Variants in ZDHHC11B observed in about 807,000 individuals in gnomAD.
ZDHHC11B encodes probable palmitoyltransferase ZDHHC11B.
A neutral mutation model predicts 42.3 loss-of-function variants in ZDHHC11B; 17 were observed. That is an observed-to-expected ratio of 0.40 (90% CI 0.27 to 0.60). The LOEUF (loss-of-function observed/expected upper bound fraction) is 0.60, where lower values mean the gene tolerates loss of function less well. Ranked by LOEUF, ZDHHC11B falls within the 20% of genes least tolerant of loss-of-function variation. ZDHHC11B has a pLI of 0.41. For synonymous variants in ZDHHC11B, 123 were observed against 193.5 expected (o/e 0.64, Z 3.02); for missense variants, 262 against 463.2 (o/e 0.57, Z 3.99).
rs1741389009 is a variant in ZDHHC11B, at chr5:711,707, C to T, written c.*583G>A. ...TCCTATTCCCCAGTACTCTGTGCTC[C>T]CATTTCCCAGTACTTTGTGCTCCCA... is the stretch of plus-strand genomic sequence containing the variant. On this transcript the variant is annotated 3_prime_UTR_variant, in exon 14 of 14. Coordinates refer to ENST00000508859, the MANE Select transcript of ZDHHC11B (RefSeq NM_001351303.2). 6.5e-6 allele frequency: 1 copy of T among 153,764 alleles called. No individual in the cohort carries two copies. Among genetic ancestry groups the T allele is most frequent in the Admixed American group, 6.7e-5 (1 of 14,828 alleles). 9.5% of individuals were successfully genotyped at this position (153,764 alleles called of 1,614,324 possible). A position where few individuals can be genotyped will look rare whatever the true frequency, so the allele number is the denominator to read the frequency against.
chr5:717,142 C>A (rs1579231171), intron 12 of ZDHHC11B, among the ~76,000 whole-genome samples: 1 of 151,148 alleles, frequency 6.6e-6, no homozygotes, highest in East Asian at 1.9e-4. Context: ...CTTGTGGTAG[C>A]CAAGGAAGCT....
chr5:733,895 G>C, intron 10 of ZDHHC11B, 56 bp from the exon 11 acceptor site: 3 of 1,477,832 alleles, frequency 2.0e-6, no homozygotes, highest in Non-Finnish European at 2.8e-6. Flanking sequence ...GGGGGCTCAG[G>C]GTGGCACTGG....
At chr5:777,989 G>C (rs1249892580) in intron 1 of ZDHHC11B, among the ~76,000 whole-genome samples, 1 of 151,914 alleles carries the variant, frequency 6.6e-6, no homozygotes, top group African/African-American at 2.4e-5. Flanking sequence ...CTGAGGCCCC[G>C]CGAGAATTTG....
intron 4 of ZDHHC11B, among the ~76,000 whole-genome samples, chr5:761,563 A>G (rs1734611820): frequency 6.6e-6 from 1 of 151,854 alleles, no homozygotes; most frequent in African/African-American, 2.4e-5. Flanking sequence ...CAGAACTATG[A>G]CCTGTCCTCC....
intron 12 of ZDHHC11B, among the ~76,000 whole-genome samples, chr5:722,139 G>A (rs1447491350): frequency 2.0e-5 from 3 of 151,772 alleles, no homozygotes; most frequent in African/African-American, 7.3e-5. Context: ...GCTATCTTTT[G>A]GATATTTTGG....
chr5:778,595 A>C (rs427335), intron 1 of ZDHHC11B, among the ~76,000 whole-genome samples: 114,430 of 148,614 alleles, frequency 0.77, 42,266 homozygotes, highest in African/African-American at 0.89. Context: ...CTTGGGGCTC[A>C]GGGTCCAGGG....
intron 1 of ZDHHC11B, among the ~76,000 whole-genome samples, chr5:779,051 C>A (rs1182232667): frequency 1.3e-5 from 2 of 151,168 alleles, no homozygotes; most frequent in Non-Finnish European, 2.9e-5. Context: ...GACTCTCCAG[C>A]CTCCAGAACT....
chr5:727,893 A>C (rs1321601793), intron 12 of ZDHHC11B, among the ~76,000 whole-genome samples: 1 of 151,796 alleles, frequency 6.6e-6, no homozygotes. Context: ...AGTAAGAAAG[A>C]CTTTTTAAAG....
At chr5:715,307 C>A (rs1741668280) in intron 13 of ZDHHC11B, among the ~76,000 whole-genome samples, 1 of 150,302 alleles carries the variant, frequency 6.7e-6, no homozygotes, top group Non-Finnish European at 1.5e-5. Context: ...ATGCTTCGGC[C>A]AAGCGTCCAG....
chr5:717,377 G>A (rs1371537805), intron 12 of ZDHHC11B, among the ~76,000 whole-genome samples: 1 of 151,668 alleles, frequency 6.6e-6, no homozygotes, highest in African/African-American at 2.4e-5. Context: ...TGTGTGCTGG[G>A]CAGCTGGCAG....
At chr5:751,410 G>GCGTGGGGTGTGCAGGGGCATGCGGGGCA (rs1554036609) in intron 6 of ZDHHC11B, among the ~76,000 whole-genome samples, 153 bp from the exon 7 acceptor site, 617 of 50,808 alleles carry the variant, frequency 0.012, 16 homozygotes, top group Middle Eastern at 0.026. Context: ...GCAAGGGCAG[G>GCGTGGGGTGTGCAGGGGCATGCGGGGCA]TGTGGGACAG....
At chr5:736,218 C>A (rs1342047144) in intron 10 of ZDHHC11B, among the ~76,000 whole-genome samples, 2 of 149,828 alleles carry the variant, frequency 1.3e-5, no homozygotes, top group Non-Finnish European at 3.0e-5. Flanking sequence ...TTAAGAAAGA[C>A]AAAGAGCAAC....
intron 7 of ZDHHC11B, among the ~76,000 whole-genome samples, chr5:749,343 T>C (rs28405818): frequency 0.76 from 98,230 of 129,650 alleles, 43,217 homozygotes; most frequent in African/African-American, 0.95. Flanking sequence ...TAATGCAGAA[T>C]GGCAGAGGGC....
intron 12 of ZDHHC11B, among the ~76,000 whole-genome samples, chr5:721,055 G>A (rs1454927830): frequency 2.6e-5 from 4 of 151,718 alleles, no homozygotes; most frequent in African/African-American, 9.7e-5. Flanking sequence ...AGGTTGCAGT[G>A]AGTTATCACT....
At position 711,398 on chromosome 5, in the gene ZDHHC11B, T is replaced by A; in HGVS notation, c.*892A>T. On this transcript the variant is annotated 3_prime_UTR_variant, in exon 14 of 14. Coordinates refer to ENST00000508859, the MANE Select transcript of ZDHHC11B (RefSeq NM_001351303.2). The stretch of plus-strand genomic sequence containing the variant: ...TGTGAGCTCCCATTTCCTAGTACTG[T>A]GCTCCCATTTCCCAGTGCTGTGCTC... 2 of 153,464 alleles carry A rather than the reference T, an allele frequency of 1.3e-5. No individual in the cohort carries two copies. The highest frequency in any genetic ancestry group is 1.0e-3 in the Middle Eastern group (2 of 1,924). The allele number at this position is 153,464 out of a possible 1,614,324, so 9.5% of individuals were successfully genotyped here. A position where few individuals can be genotyped will look rare whatever the true frequency, so the allele number is the denominator to read the frequency against.
At position 749,527 on chromosome 5, in the gene ZDHHC11B, GC is replaced by G. The variant is rs1424794037; in HGVS notation, c.629-969del. Among the ~76,000 whole-genome samples the G allele has an allele frequency of 8.5e-5, 11 of 129,852 alleles. 1 individual carries two copies. Among genetic ancestry groups the G allele is most frequent in the African/African-American group, 2.8e-4 (11 of 39,740 alleles). The allele number at this position is 129,852 out of a possible 152,430, so 85.2% of individuals were successfully genotyped here. A position where few individuals can be genotyped will look rare whatever the true frequency, so the allele number is the denominator to read the frequency against. On this transcript the variant is annotated intron_variant, in intron 7 of 13. Transcript: ENST00000508859. ...CCTGGGCCGGGCTGGACCCCATGCT[GC>G]CCCCCTTAGCCAGTGACATCACGAT...
chr5:717,287 T>C (rs1277599295), intron 12 of ZDHHC11B, among the ~76,000 whole-genome samples: 1 of 151,114 alleles, frequency 6.6e-6, no homozygotes, highest in Non-Finnish European at 1.5e-5. Flanking sequence ...AGTGTTTTTA[T>C]ACCCACATCT....
intron 1 of ZDHHC11B, among the ~76,000 whole-genome samples, chr5:780,705 C>T (rs34564217): frequency 7.0e-6 from 1 of 143,058 alleles, no homozygotes; most frequent in Non-Finnish European, 1.6e-5. Context: ...CCTGGGGACA[C>T]GTGGGCACTG....
In ZDHHC11B at chr5:717,744, C is replaced by T. The variant is rs1363947948; in HGVS notation, c.1059-879G>A. Among the ~76,000 whole-genome samples, 6 of 151,768 alleles carry T rather than the reference C, an allele frequency of 4.0e-5. 1 individual carries two copies. The South Asian group carries it at 1.0e-3, about 26-fold the overall frequency. On this transcript the variant is annotated intron_variant, in intron 12 of 13. Transcript: ENST00000508859. ...TGCAAATGGGAGCTGATGCAGAAGGCCATGGTCAGGAGTGTGCTGCAGAAC... is the reference window on the plus strand; with the variant it reads ...TGCAAATGGGAGCTGATGCAGAAGGTCATGGTCAGGAGTGTGCTGCAGAAC...
Sources: gnomAD v4.1 joint callset for allele counts (sites outside exome capture counted in the v4.1 genomes callset) on GRCh38, gnomAD v4.1.1 for gene constraint, MANE v1.5 for transcripts, NCBI Gene and HGNC (gene_info 2026-07-23, HGNC 2026-07-21) for gene names.